Variants in PTPRM observed in about 807,000 individuals in gnomAD.
The protein encoded by PTPRM is protein tyrosine phosphatase receptor type M, also known as receptor-type tyrosine-protein phosphatase mu.
In PTPRM, 47 loss-of-function variants were observed where a neutral mutation model predicts 186.7. That is an observed-to-expected ratio of 0.25 (90% CI 0.20 to 0.32). The LOEUF is 0.32. PTPRM is among the 10% of genes least tolerant of loss of function. PTPRM has a pLI of 1.00. For missense variants in PTPRM, 1,494 were observed against 1,865.0 expected (o/e 0.80, Z 3.66); for synonymous variants, 668 against 674.9 (o/e 0.99, Z 0.16).
At chr18:8,026,559 A>C (rs1207974986) in intron 7 of PTPRM, among the ~76,000 whole-genome samples, 1 of 152,120 alleles carries the variant, frequency 6.6e-6, no homozygotes, top group Non-Finnish European at 1.5e-5. Context: ...CATATTTTCA[A>C]ACATTAATAT....
chr18:7,835,340 A>G (rs1229988178), intron 2 of PTPRM, among the ~76,000 whole-genome samples: 3 of 151,786 alleles, frequency 2.0e-5, no homozygotes, highest in African/African-American at 4.8e-5. Context: ...TCATTGACCC[A>G]CTGGTCATTC....
intron 10 of PTPRM, among the ~76,000 whole-genome samples, chr18:8,086,109 G>A (rs2090420412): frequency 6.6e-6 from 1 of 152,124 alleles, no homozygotes; most frequent in African/African-American, 2.4e-5. Context: ...GCGTCTTGGA[G>A]GACTTGGGCA....
chr18:8,140,624 A>G (rs1217789315), intron 13 of PTPRM, among the ~76,000 whole-genome samples: 1 of 152,022 alleles, frequency 6.6e-6, no homozygotes, highest in Non-Finnish European at 1.5e-5. Flanking sequence ...TGATTTTAGC[A>G]GTCTCTTAAT....
chr18:8,054,512 G>A (rs948051121), intron 7 of PTPRM, among the ~76,000 whole-genome samples: 1 of 151,240 alleles, frequency 6.6e-6, no homozygotes, highest in Middle Eastern at 3.4e-3. Context: ...ATGGCTATCT[G>A]TATAGTGATT....
chr18:8,150,245 A>G (rs146421633), intron 14 of PTPRM, among the ~76,000 whole-genome samples: 2,208 of 152,282 alleles, frequency 0.014, 48 homozygotes, highest in African/African-American at 0.051. Flanking sequence ...GTGTTTTCCA[A>G]CTTGGTTCCA....
intron 22 of PTPRM, among the ~76,000 whole-genome samples, chr18:8,321,600 G>A (rs2095346177): frequency 6.6e-6 from 1 of 152,164 alleles, no homozygotes; most frequent in Non-Finnish European, 1.5e-5. Context: ...TCAGTTTGCA[G>A]TAGACAATCA....
intron 1 of PTPRM, among the ~76,000 whole-genome samples, chr18:7,639,688 G>A (rs996826035): frequency 1.3e-5 from 2 of 152,074 alleles, no homozygotes; most frequent in Non-Finnish European, 2.9e-5. Flanking sequence ...CACCGCTCTC[G>A]GCCTCTATAT....
chr18:7,820,502 G>A (rs1224942793), intron 2 of PTPRM, among the ~76,000 whole-genome samples: 2 of 152,170 alleles, frequency 1.3e-5, no homozygotes, highest in South Asian at 2.1e-4. Context: ...TTCTTGAGGA[G>A]AGAACACTTA....
intron 14 of PTPRM, among the ~76,000 whole-genome samples, chr18:8,193,239 G>A (rs1601130015): frequency 1.3e-5 from 2 of 152,250 alleles, no homozygotes; most frequent in South Asian, 2.1e-4. Context: ...GCTGGAACCA[G>A]GCAAAGGGTA....
intron 1 of PTPRM, chr18:7,748,927 AG>A (rs1176435059): frequency 6.6e-6 from 1 of 152,224 alleles, no homozygotes; most frequent in African/African-American, 2.4e-5. Context: ...TTCTGTAAAA[AG>A]TTTAGACCAA....
chr18:8,398,985 T>G (rs1216615308), intron 32 of PTPRM, among the ~76,000 whole-genome samples: 1 of 152,198 alleles, frequency 6.6e-6, no homozygotes, highest in East Asian at 1.9e-4. Context: ...TATATAAGTC[T>G]GTAAATATAC....
At chr18:8,346,133 G>A (rs1165782836) in intron 23 of PTPRM, among the ~76,000 whole-genome samples, 3 of 152,184 alleles carry the variant, frequency 2.0e-5, no homozygotes, top group African/African-American at 7.2e-5. Context: ...GGCTACTGAG[G>A]CAGGGAGGAC....
chr18:7,995,108 T>A (rs2147686556), intron 7 of PTPRM, among the ~76,000 whole-genome samples: 1 of 151,756 alleles, frequency 6.6e-6, no homozygotes, highest in Admixed American at 6.6e-5. Context: ...CCAAAAAAAA[T>A]TAGAACAAAA....
Position 7,717,702 on chromosome 18 carries a change from C to T in PTPRM, c.74-56447C>T, listed in dbSNP as rs141175986. Among the ~76,000 whole-genome samples, 205 of 152,320 alleles carry T rather than the reference C, an allele frequency of 1.3e-3. 1 individual carries two copies. The highest frequency in any genetic ancestry group is 8.8e-4 in the Non-Finnish European group (60 of 68,030). ...AAGAGCACTGAAGCCTCTGGGGCTT[C>T]AGGAGTGGCAGGCAATCCTGCCTGG... On this transcript the variant is annotated intron_variant, in intron 1 of 32. Coordinates refer to ENST00000580170, the MANE Select transcript of PTPRM (RefSeq NM_001105244.2).
chr18:8,097,049 A>G (rs1019779972), intron 11 of PTPRM, among the ~76,000 whole-genome samples: 1 of 152,174 alleles, frequency 6.6e-6, no homozygotes, highest in African/African-American at 2.4e-5. Flanking sequence ...TACAGAAGGA[A>G]TTATGTTTTA....
At chr18:7,713,192 C>T (rs1267445183) in intron 1 of PTPRM, among the ~76,000 whole-genome samples, 1 of 152,156 alleles carries the variant, frequency 6.6e-6, no homozygotes, top group Admixed American at 6.6e-5. Context: ...CCCTACAATC[C>T]AGAAGAGGGT....
intron 14 of PTPRM, among the ~76,000 whole-genome samples, chr18:8,192,827 T>C (rs1212901892): frequency 6.6e-6 from 1 of 152,194 alleles, no homozygotes; most frequent in East Asian, 1.9e-4. Context: ...AAGTGTCACC[T>C]ATAGATTACT....
intron 7 of PTPRM, among the ~76,000 whole-genome samples, chr18:7,994,073 A>AACTG (rs2083404206): frequency 6.6e-6 from 1 of 152,114 alleles, no homozygotes; most frequent in Admixed American, 6.6e-5. Context: ...GCCCACAAGA[A>AACTG]ACTGACCTCA....
rs1026654338 is a variant in PTPRM at position 8,028,055 on chromosome 18, G to A, written c.1133-41631G>A. On this transcript the variant is annotated intron_variant, in intron 7 of 32. Transcript: ENST00000580170. ...CTCACCCTGTCACCCAGGCTAGAGT[G>A]CAATGATAACAATCTGGGTTCACAA... is the stretch of plus-strand genomic sequence containing the variant. 2.6e-5 allele frequency among the ~76,000 whole-genome samples: 4 copies of A among 152,210 alleles called. No individual in the cohort carries two copies. In the East Asian group the frequency reaches 5.8e-4, roughly 22 times the overall value.
Sources: allele counts gnomAD v4.1 joint callset (sites outside exome capture counted in the v4.1 genomes callset), GRCh38; gene constraint gnomAD v4.1.1; transcripts MANE v1.5; gene names NCBI Gene and HGNC (gene_info 2026-07-23, HGNC 2026-07-21).